SGMS1: variants seen among roughly 807,000 people sequenced by gnomAD.
SGMS1 encodes the protein phosphatidylcholine:ceramide cholinephosphotransferase 1.
Under a neutral mutation model 46.2 loss-of-function variants are expected in SGMS1, and 13 were observed. The ratio of observed to expected loss-of-function variants is 0.28; its 90% CI spans 0.18 to 0.45. SGMS1 has a LOEUF of 0.45. Among genes scored for constraint, SGMS1 ranks in the 20% least tolerant of loss-of-function variants. SGMS1 has a pLI of 1.00. For synonymous variants in SGMS1, 203 were observed against 187.8 expected, an observed-to-expected ratio of 1.08 and a Z score of -0.66; for missense variants, 324 against 519.9, an observed-to-expected ratio of 0.62 and a Z score of 3.66.
intron 2 of SGMS1, among the ~76,000 whole-genome samples, chr10:50,553,514 T>TCTA (rs3054273): frequency 0.84 from 127,783 of 151,882 alleles, 53,857 homozygotes; most frequent in East Asian, 1. Flanking sequence ...GACAAAAAAA[T>TCTA]CTTTCACCCC....
chr10:50,469,769 G>A (rs973671448), intron 3 of SGMS1, among the ~76,000 whole-genome samples: 2 of 152,086 alleles, frequency 1.3e-5, no homozygotes, highest in South Asian at 2.1e-4. Context: ...TACTACTGGT[G>A]ACTTCCTCTC....
At chr10:50,495,102 C>A (rs10740714) in intron 3 of SGMS1, among the ~76,000 whole-genome samples, 76,919 of 126,736 alleles carry the variant, frequency 0.61, 23,693 homozygotes, top group African/African-American at 0.7. Flanking sequence ...GCCGGACGTG[C>A]TTGCAGGCGC....
chr10:50,428,708 G>A (rs1849361884), intron 6 of SGMS1, among the ~76,000 whole-genome samples: 1 of 152,060 alleles, frequency 6.6e-6, no homozygotes, highest in African/African-American at 2.4e-5. Flanking sequence ...ACCAAATCTG[G>A]TACTCTCTCA....
intron 6 of SGMS1, among the ~76,000 whole-genome samples, chr10:50,398,913 G>A (rs1034343837): frequency 6.6e-6 from 1 of 151,858 alleles, no homozygotes; most frequent in Non-Finnish European, 1.5e-5. Flanking sequence ...TACTACTTAT[G>A]GATATCAAAT....
chr10:50,528,668 G>A (rs963388551), intron 2 of SGMS1, among the ~76,000 whole-genome samples: 2 of 152,176 alleles, frequency 1.3e-5, no homozygotes, highest in Admixed American at 6.5e-5. Flanking sequence ...GGAAGCCAAG[G>A]TGAAAGGATC....
At chr10:50,544,469 T>G (rs965192469) in intron 2 of SGMS1, among the ~76,000 whole-genome samples, 1 of 152,260 alleles carries the variant, frequency 6.6e-6, no homozygotes, top group African/African-American at 2.4e-5. Context: ...TTACTTCATT[T>G]GCATATGCCT....
Position 50,521,312 on chromosome 10 carries a change from CATTT to C in SGMS1, c.-588-1395_-588-1392del, listed in dbSNP as rs142189064. Among the ~76,000 whole-genome samples the C allele has an allele frequency of 5.9e-3, 898 of 152,274 alleles. 15 individuals carry two copies. Among genetic ancestry groups the C allele is most frequent in the African/African-American group, 0.02 (849 of 41,556 alleles). On this transcript the variant is annotated intron_variant, in intron 2 of 10. Coordinates refer to ENST00000361781, the MANE Select transcript of SGMS1 (RefSeq NM_147156.4). ...ACCATTCACTCACTGTCCATTCATT[CATTT>C]GACTTTTTTTCTGAGCCTTAAGGAG...
chr10:50,444,132 A>T (rs1010100687), intron 5 of SGMS1, among the ~76,000 whole-genome samples: 2 of 152,186 alleles, frequency 1.3e-5, no homozygotes, highest in African/African-American at 4.8e-5. Flanking sequence ...TAAAACTAAC[A>T]TGTCAATATA....
chr10:50,356,310 A>G (rs1329531108), intron 6 of SGMS1, among the ~76,000 whole-genome samples: 5 of 152,246 alleles, frequency 3.3e-5, no homozygotes, highest in African/African-American at 9.6e-5. Flanking sequence ...GGTTAAATGG[A>G]TTAAGGGCGG....
intron 6 of SGMS1, among the ~76,000 whole-genome samples, chr10:50,400,822 G>A (rs921192153): frequency 2.6e-5 from 4 of 152,058 alleles, no homozygotes; most frequent in African/African-American, 7.2e-5. Context: ...ATGAAAGTCT[G>A]GACAGTTGTC....
At chr10:50,543,759 A>G (rs1838076244) in intron 2 of SGMS1, among the ~76,000 whole-genome samples, 1 of 152,260 alleles carries the variant, frequency 6.6e-6, no homozygotes, top group Admixed American at 6.5e-5. Context: ...CCCAATGACC[A>G]TTCTTGTGAA....
At chr10:50,623,091 C>T (rs1185632221) in intron 1 of SGMS1, among the ~76,000 whole-genome samples, 2 of 151,946 alleles carry the variant, frequency 1.3e-5, no homozygotes, top group East Asian at 3.9e-4. Flanking sequence ...CGGGCTGTTA[C>T]GCGGCCTGGA....
intron 3 of SGMS1, among the ~76,000 whole-genome samples, chr10:50,496,965 T>C (rs945321562): frequency 2.0e-5 from 3 of 152,154 alleles, no homozygotes; most frequent in African/African-American, 7.2e-5. Flanking sequence ...AGCCTCCTGT[T>C]TGGTCTCCCT....
chr10:50,550,607 C>T (rs1838140456), intron 2 of SGMS1, among the ~76,000 whole-genome samples: 1 of 152,152 alleles, frequency 6.6e-6, no homozygotes, highest in Non-Finnish European at 1.5e-5. Context: ...TAAAAAGGCA[C>T]ACTCACCAAT....
chr10:50,440,978 T>C (rs1849539616), intron 5 of SGMS1, among the ~76,000 whole-genome samples: 1 of 152,234 alleles, frequency 6.6e-6, no homozygotes, highest in Non-Finnish European at 1.5e-5. Flanking sequence ...CTGAGGCATG[T>C]TAACATTACT....
intron 4 of SGMS1, among the ~76,000 whole-genome samples, chr10:50,465,623 T>G (rs1251362436): frequency 6.6e-6 from 1 of 151,034 alleles, no homozygotes; most frequent in Non-Finnish European, 1.5e-5. Context: ...TAGCTAAGAG[T>G]AAGACTTAAG....
At chr10:50,457,907 T>C (rs1490835733) in intron 5 of SGMS1, among the ~76,000 whole-genome samples, 1 of 152,246 alleles carries the variant, frequency 6.6e-6, no homozygotes, top group Non-Finnish European at 1.5e-5. Context: ...TGTGTGATTA[T>C]ATGGCCAAAT....
chr10:50,352,418 G>A lies in SGMS1; in HGVS notation c.-231-8073C>T, dbSNP rs138451072. On this transcript the variant is annotated intron_variant, in intron 6 of 10. Transcript: ENST00000361781. The stretch of plus-strand genomic sequence containing the variant: ...AAAAGCCATGCTGAATCCATTATTG[G>A]GAGAATGTTAAAAAATAACATAGAG... 7.2e-5 allele frequency among the ~76,000 whole-genome samples: 11 copies of A among 152,222 alleles called. No individual in the cohort carries two copies. The East Asian group carries it at 1.5e-3, about 21-fold the overall frequency.
chr10:50,620,625 GAAGA>G (rs1381960482), intron 1 of SGMS1, among the ~76,000 whole-genome samples: 1 of 152,172 alleles, frequency 6.6e-6, no homozygotes, highest in Non-Finnish European at 1.5e-5. Flanking sequence ...TTTAGGAGAA[GAAGA>G]AATACCTAAA....
Sources: gnomAD v4.1 joint callset for allele counts (sites outside exome capture counted in the v4.1 genomes callset) on GRCh38, gnomAD v4.1.1 for gene constraint, MANE v1.5 for transcripts, NCBI Gene and HGNC (gene_info 2026-07-23, HGNC 2026-07-21) for gene names.